The following DACH2 variants were observed in gnomAD, a reference collection of about 807,000 sequenced individuals.
DACH2 encodes dachshund family transcription factor 2, also known as dachshund homolog 2.
DACH2 carries 17 observed loss-of-function variants against 35.8 expected under a neutral mutation model. The ratio of observed to expected loss-of-function variants is 0.48; its 90% CI spans 0.33 to 0.71. The LOEUF is 0.71. Ranked by LOEUF, DACH2 falls within the 30% of genes least tolerant of loss-of-function variation. DACH2 has a pLI of 0.02. For synonymous variants in DACH2, 195 were observed against 177.3 expected, an observed-to-expected ratio of 1.10 and a Z score of -0.79; for missense variants, 469 against 472.7, an observed-to-expected ratio of 0.99 and a Z score of 0.07.
At chrX:86,597,769 C>T (rs771537297) in intron 3 of DACH2, among the ~76,000 whole-genome samples, 32 of 111,607 alleles carry the variant, frequency 2.9e-4, no homozygotes, top group South Asian at 1.1e-3. Context: ...TTGAAGTCTC[C>T]GATCATTATT....
intron 1 of DACH2, among the ~76,000 whole-genome samples, chrX:86,319,975 C>T (rs950368676): frequency 1.8e-5 from 2 of 111,519 alleles, no homozygotes; most frequent in Non-Finnish European, 3.8e-5. Flanking sequence ...AAGACAGTTT[C>T]CAGGGCCTAA....
At chrX:86,573,604 C>T (rs2039400559) in intron 3 of DACH2, among the ~76,000 whole-genome samples, 1 of 111,545 alleles carries the variant, frequency 9.0e-6, no homozygotes, top group Non-Finnish European at 1.9e-5. Context: ...TATAAATTGA[C>T]CAGCCTCCAC....
At chrX:86,429,190 G>A (rs781613120) in intron 2 of DACH2, among the ~76,000 whole-genome samples, 16 of 110,382 alleles carry the variant, frequency 1.4e-4, no homozygotes, top group Non-Finnish European at 2.7e-4. Flanking sequence ...GGAAAATGCA[G>A]AGGAGACATT....
At chrX:86,437,266 G>C (rs990924684) in intron 2 of DACH2, among the ~76,000 whole-genome samples, 8 of 111,053 alleles carry the variant, frequency 7.2e-5, no homozygotes, top group Non-Finnish European at 1.5e-4. Context: ...TCCCCACATC[G>C]GTATTTATTA....
intron 5 of DACH2, among the ~76,000 whole-genome samples, chrX:86,701,597 T>C (rs1179564619): frequency 9.0e-6 from 1 of 111,660 alleles, no homozygotes; most frequent in East Asian, 2.8e-4. Flanking sequence ...GACATAATTC[T>C]ACATCATGAA....
chrX:86,157,117 T>C (rs1012758527), intron 1 of DACH2, among the ~76,000 whole-genome samples: 4 of 111,659 alleles, frequency 3.6e-5, no homozygotes, highest in African/African-American at 1.3e-4. Context: ...GTGGAAACTT[T>C]GTAATTATAC....
At chrX:86,664,725 T>C (rs769333071) in intron 4 of DACH2, among the ~76,000 whole-genome samples, 1 of 112,211 alleles carries the variant, frequency 8.9e-6, no homozygotes, top group South Asian at 3.7e-4. Flanking sequence ...GCTGCATGAT[T>C]GCCGAGTTAG....
chrX:86,290,821 T>G (rs1234804282), intron 1 of DACH2, among the ~76,000 whole-genome samples: 3 of 100,646 alleles, frequency 3.0e-5, no homozygotes, highest in Non-Finnish European at 6.0e-5. Flanking sequence ...TTTTGGTTAC[T>G]GTAGCCTTGT....
intron 1 of DACH2, among the ~76,000 whole-genome samples, chrX:86,254,807 T>TATATAGAGAGAGAG (rs1380613474): frequency 7.5e-4 from 37 of 49,640 alleles, no homozygotes; most frequent in African/African-American, 4.1e-3. Context: ...TATATATATA[T>TATATAGAGAGAGAG]AGAGAGAGAG....
chrX:86,422,696 T>A (rs1462661237), intron 2 of DACH2, among the ~76,000 whole-genome samples: 1 of 111,247 alleles, frequency 9.0e-6, no homozygotes, highest in African/African-American at 3.3e-5. Context: ...TTTGAGTTAT[T>A]TTAAAATGTA....
chrX:86,698,902 AG>A (rs774061178), intron 5 of DACH2, among the ~76,000 whole-genome samples: 6 of 111,269 alleles, frequency 5.4e-5, no homozygotes, highest in Non-Finnish European at 7.5e-5. Context: ...CATAAGCAGG[AG>A]TAGCAATTCT....
chrX:86,450,349 T>C (rs1168032321), intron 2 of DACH2, among the ~76,000 whole-genome samples: 6 of 111,481 alleles, frequency 5.4e-5, no homozygotes, highest in African/African-American at 2.0e-4. Flanking sequence ...CTGCATTAGT[T>C]TGAGGAGCAT....
intron 1 of DACH2, among the ~76,000 whole-genome samples, chrX:86,206,156 G>T (rs2032305598): frequency 9.0e-6 from 1 of 111,134 alleles, no homozygotes; most frequent in African/African-American, 3.3e-5. Flanking sequence ...CTAGGAAGTT[G>T]TCCCTGATGA....
intron 2 of DACH2, among the ~76,000 whole-genome samples, chrX:86,405,554 C>T (rs1421966702): frequency 1.3e-4 from 15 of 111,524 alleles, no homozygotes; most frequent in Admixed American, 8.6e-4. Flanking sequence ...GTCTCTAGGA[C>T]GTCCAAACTT....
intron 1 of DACH2, among the ~76,000 whole-genome samples, chrX:86,250,978 T>C (rs1775248420): frequency 9.0e-6 from 1 of 111,161 alleles, no homozygotes; most frequent in Admixed American, 9.6e-5. Context: ...ATCAGGTGAT[T>C]AACTTTCTGG....
At chrX:86,381,444 A>G (rs745786812) in intron 2 of DACH2, among the ~76,000 whole-genome samples, 3 of 110,832 alleles carry the variant, frequency 2.7e-5, no homozygotes, top group Admixed American at 9.6e-5. Context: ...TTAAATTTGT[A>G]AAGTATCGTC....
rs1369085112 is a variant in DACH2 at position 86,521,571 on chromosome X, G to T, written c.640+7180G>T. ...CTGCCACTTGGCTTTACCATCAAGTGAGCCATTGAGACAAAACTCTTCAAT... is the reference window on the plus strand; with the variant it reads ...CTGCCACTTGGCTTTACCATCAAGTTAGCCATTGAGACAAAACTCTTCAAT... On this transcript the variant is annotated intron_variant, in intron 3 of 11. Coordinates refer to ENST00000373125, the MANE Select transcript of DACH2 (RefSeq NM_053281.3). Among the ~76,000 whole-genome samples the T allele has an allele frequency of 2.7e-5, 3 of 111,960 alleles. No homozygotes were observed. In the East Asian group the frequency reaches 8.4e-4, roughly 31 times the overall value.
At chrX:86,167,934 T>C (rs776783817) in intron 1 of DACH2, among the ~76,000 whole-genome samples, 1 of 111,957 alleles carries the variant, frequency 8.9e-6, no homozygotes, top group African/African-American at 3.2e-5. Flanking sequence ...TTTTGAATGT[T>C]TTAAGACATG....
intron 7 of DACH2, among the ~76,000 whole-genome samples, chrX:86,755,262 A>C (rs760334174): frequency 9.0e-6 from 1 of 110,988 alleles, no homozygotes; most frequent in Non-Finnish European, 1.9e-5. Context: ...TTTTAACATG[A>C]TATTTATTAT....
Sources: gnomAD v4.1 joint callset for allele counts (sites outside exome capture counted in the v4.1 genomes callset) on GRCh38, gnomAD v4.1.1 for gene constraint, MANE v1.5 for transcripts, NCBI Gene and HGNC (gene_info 2026-07-23, HGNC 2026-07-21) for gene names.